Variants in CACNA2D4 observed in about 807,000 individuals in gnomAD.
CACNA2D4 encodes calcium voltage-gated channel auxiliary subunit alpha2delta 4, also known as voltage-dependent calcium channel subunit alpha-2/delta-4.
In CACNA2D4, 157 loss-of-function variants were observed where a neutral mutation model predicts 163.8. That is an observed-to-expected ratio of 0.96 (90% CI 0.84 to 1.09). The LOEUF (loss-of-function observed/expected upper bound fraction) is 1.09, where lower values mean the gene tolerates loss of function less well. Ranked by LOEUF, CACNA2D4 falls within the 50% of genes least tolerant of loss-of-function variation. The pLI is 0.00. For missense variants in CACNA2D4, 1,410 were observed against 1,479.9 expected (o/e 0.95, Z 0.78); for synonymous variants, 598 against 586.9 (o/e 1.02, Z -0.27).
chr12:1,911,473 A>T (rs1291505503), intron 3 of CACNA2D4, among the ~76,000 whole-genome samples: 1 of 152,012 alleles, frequency 6.6e-6, no homozygotes, highest in African/African-American at 2.4e-5. Flanking sequence ...TGCTTGCACA[A>T]CTATAAATTG....
chr12:1,885,595 A>C (rs939839628), intron 9 of CACNA2D4, among the ~76,000 whole-genome samples: 3 of 152,208 alleles, frequency 2.0e-5, no homozygotes, highest in African/African-American at 7.2e-5. Flanking sequence ...AAAGGATGAC[A>C]CTCAATGAAG....
intron 23 of CACNA2D4, among the ~76,000 whole-genome samples, chr12:1,853,464 G>A (rs930608358): frequency 6.6e-6 from 1 of 152,056 alleles, no homozygotes; most frequent in African/African-American, 2.4e-5. Context: ...AGCAAGGTAT[G>A]ACCCACTGCA....
At chr12:1,850,753 A>G (rs1865259545) in intron 23 of CACNA2D4, among the ~76,000 whole-genome samples, 1 of 152,146 alleles carries the variant, frequency 6.6e-6, no homozygotes, top group Admixed American at 6.5e-5. Flanking sequence ...AAATACAAAA[A>G]AATACAAAGA....
At chr12:1,845,720 C>T (rs570649745) in intron 24 of CACNA2D4, among the ~76,000 whole-genome samples, 1 of 152,152 alleles carries the variant, frequency 6.6e-6, no homozygotes, top group Non-Finnish European at 1.5e-5. Context: ...CTTGAGCACC[C>T]GGGTGGGCCA....
At position 1,819,858 on chromosome 12, in the gene CACNA2D4, C is replaced by T. The variant is rs111556529; in HGVS notation, c.2552-8135G>A. Among the ~76,000 whole-genome samples, 347 of 152,292 alleles carry T rather than the reference C, an allele frequency of 2.3e-3. 1 individual carries two copies. The highest frequency in any genetic ancestry group is 8.0e-3 in the African/African-American group (331 of 41,576). Reference sequence around the variant, plus strand: ...GGCTGCTGCTGCAGGCTGCCCTGTGCCCAAACTCCCAGCCTGCCAACTCTG... The same window carrying T: ...GGCTGCTGCTGCAGGCTGCCCTGTGTCCAAACTCCCAGCCTGCCAACTCTG... On this transcript the variant is annotated intron_variant, in intron 26 of 37. Coordinates refer to ENST00000382722, the MANE Select transcript of CACNA2D4 (RefSeq NM_172364.5).
chr12:1,875,179 G>T lies in CACNA2D4; in HGVS notation c.1806+72C>A. 2 of 1,066,434 alleles carry T rather than the reference G, an allele frequency of 1.9e-6. No homozygotes were observed. The highest frequency in any genetic ancestry group is 2.9e-6 in the Non-Finnish European group (2 of 684,204). The allele number at this position is 1,066,434 out of a possible 1,614,324, so 66.1% of individuals were successfully genotyped here. A position where few individuals can be genotyped will look rare whatever the true frequency, so the allele number is the denominator to read the frequency against. On this transcript the variant is annotated intron_variant, in intron 17 of 37. Coordinates refer to ENST00000382722, the MANE Select transcript of CACNA2D4 (RefSeq NM_172364.5). The surrounding 1 kb of genome is among the most constrained non-coding windows in gnomAD (Gnocchi z 4.0). ...GAACAGAGTGACCTCAAAGCTCACAGCCACACAGCTGACCCATTTAGTTGG... is the reference window on the plus strand; with the variant it reads ...GAACAGAGTGACCTCAAAGCTCACATCCACACAGCTGACCCATTTAGTTGG...
Position 1,874,715 on chromosome 12 carries a change from C to CA in CACNA2D4, c.1807-41dup. 20 of 1,422,168 alleles carry CA rather than the reference C, an allele frequency of 1.4e-5. No individual in the cohort carries two copies. Among genetic ancestry groups the CA allele is most frequent in the Non-Finnish European group, 1.8e-5 (18 of 1,005,806 alleles). 88.1% of individuals were successfully genotyped at this position (1,422,168 alleles called of 1,614,324 possible). A position where few individuals can be genotyped will look rare whatever the true frequency, so the allele number is the denominator to read the frequency against. ...ACAATGGCATTAGTTCCTTGGCTCA[C>CA]AGGGGATGGTGAAAGTATGGCATTC... On this transcript the variant is annotated intron_variant, in intron 17 of 37. Transcript: ENST00000382722. The surrounding 1 kb of genome is among the most constrained non-coding windows in gnomAD (Gnocchi z 4.4).
intron 6 of CACNA2D4, among the ~76,000 whole-genome samples, chr12:1,901,058 T>C (rs7135033): frequency 0.76 from 115,301 of 152,068 alleles, 43,847 homozygotes; most frequent in East Asian, 0.88. Context: ...TTTTGAAAAC[T>C]ATACAGAAAC....
intron 26 of CACNA2D4, among the ~76,000 whole-genome samples, chr12:1,825,323 G>A (rs1179912759): frequency 6.6e-6 from 1 of 152,238 alleles, no homozygotes; most frequent in Non-Finnish European, 1.5e-5. Flanking sequence ...GCTTGGGTGG[G>A]AGGGCTTCTC....
chr12:1,854,654 C>A (rs1018484975), intron 22 of CACNA2D4, among the ~76,000 whole-genome samples: 1 of 152,132 alleles, frequency 6.6e-6, no homozygotes, highest in African/African-American at 2.4e-5. Flanking sequence ...GATCTGCCCA[C>A]CTTGGCCTCC....
At chr12:1,913,187 G>T (rs1866877910) in intron 2 of CACNA2D4, 48 bp from the exon 3 acceptor site, 2 of 1,323,046 alleles carry the variant, frequency 1.5e-6, no homozygotes, top group African/African-American at 1.4e-5. Flanking sequence ...TTTGTACCAG[G>T]ATAGTTGCAC....
Position 1,798,485 on chromosome 12 carries a change from C to G in CACNA2D4, c.2996-950G>C, listed in dbSNP as rs950789510. Among the ~76,000 whole-genome samples the G allele has an allele frequency of 4.6e-5, 7 of 152,070 alleles. No homozygotes were observed. The highest frequency in any genetic ancestry group is 1.7e-4 in the African/African-American group (7 of 41,386). On this transcript the variant is annotated intron_variant, in intron 34 of 37. Coordinates refer to ENST00000382722, the MANE Select transcript of CACNA2D4 (RefSeq NM_172364.5). The surrounding 1 kb of genome is among the most constrained non-coding windows in gnomAD (Gnocchi z 4.3). ...GACACTAGCTGGCGTGCAGAAAACT[C>G]TCACCGAGAGGAGCAAGCCCACAGC...
intron 2 of CACNA2D4, 78 bp downstream of exon 2, chr12:1,914,776 A>C: frequency 1.0e-6 from 1 of 952,428 alleles, no homozygotes; most frequent in Non-Finnish European, 1.7e-6. Flanking sequence ...AAGGCCCCTC[A>C]CAGCACCGGC....
At chr12:1,835,121 G>A (rs1183641404) in intron 26 of CACNA2D4, 4 of 185,654 alleles carry the variant, frequency 2.2e-5, no homozygotes, top group Admixed American at 5.6e-5. Context: ...TTGAGGGGAC[G>A]GGGAGGGAGG....
chr12:1,825,427 G>GTC (rs1451685014), intron 26 of CACNA2D4, among the ~76,000 whole-genome samples: 1 of 152,232 alleles, frequency 6.6e-6, no homozygotes, highest in Non-Finnish European at 1.5e-5. Flanking sequence ...CAGAGGAGGT[G>GTC]TCTTATGGGT....
intron 13 of CACNA2D4, among the ~76,000 whole-genome samples, chr12:1,880,645 G>A (rs746246715): frequency 3.9e-5 from 6 of 152,270 alleles, no homozygotes; most frequent in Non-Finnish European, 8.8e-5. Flanking sequence ...AACTAAAGGG[G>A]ACTGCTGAGT....
chr12:1,806,271 C>G lies in CACNA2D4; in HGVS notation c.2721+4007G>C, dbSNP rs1190334304. On this transcript the variant is annotated intron_variant, in intron 29 of 37. Transcript: ENST00000382722. The surrounding 1 kb of genome is among the most constrained non-coding windows in gnomAD (Gnocchi z 4.1). The stretch of plus-strand genomic sequence containing the variant: ...AGCCACTGTCATTGCCTGTCCCCAG[C>G]TGTCTGCTTCTCTTTCTAGGCCCCA... Among the ~76,000 whole-genome samples the G allele has an allele frequency of 6.6e-6, 1 of 152,232 alleles. No individual in the cohort carries two copies. The highest frequency in any genetic ancestry group is 6.5e-5 in the Admixed American group (1 of 15,284).
chr12:1,796,876 A>G (rs1385117182), intron 35 of CACNA2D4, among the ~76,000 whole-genome samples: 1 of 152,174 alleles, frequency 6.6e-6, no homozygotes, highest in African/African-American at 2.4e-5. Flanking sequence ...CCCCGGGGCC[A>G]GGGCGGGTTA....
Position 1,814,686 on chromosome 12 carries a change from C to T in CACNA2D4, c.2552-2963G>A, listed in dbSNP as rs143321923. ...AGTTCCAAAACTTTATAAATCTGTC[C>T]GCTTCCCTCCATCTCCACCGTTACC... On this transcript the variant is annotated intron_variant, in intron 26 of 37. Transcript: ENST00000382722. Among the ~76,000 whole-genome samples the T allele has an allele frequency of 7.3e-4, 111 of 152,272 alleles. 3 individuals carry two copies. The East Asian group carries it at 0.02, about 27-fold the overall frequency.
Sources: gnomAD v4.1 joint callset for allele counts (sites outside exome capture counted in the v4.1 genomes callset) on GRCh38, gnomAD v4.1.1 for gene constraint, Gnocchi (gnomAD v3.1) non-coding constraint, MANE v1.5 for transcripts, NCBI Gene and HGNC (gene_info 2026-07-23, HGNC 2026-07-21) for gene names.